Variants in UBE2G1 observed in about 807,000 individuals in gnomAD.
UBE2G1 encodes ubiquitin conjugating enzyme E2 G1.
UBE2G1 carries 5 observed loss-of-function variants against 22.7 expected under a neutral mutation model. That is an observed-to-expected ratio of 0.22 (90% CI 0.12 to 0.46). The LOEUF (loss-of-function observed/expected upper bound fraction) is 0.46. Ranked by LOEUF, UBE2G1 falls within the 20% of genes least tolerant of loss-of-function variation. The probability of loss-of-function intolerance (pLI) is 0.99; values close to 1 mark genes in which losing one functional copy is unlikely to be tolerated. For missense variants in UBE2G1, 88 were observed against 203.9 expected (o/e 0.43, Z 3.46); for synonymous variants, 74 against 67.5 (o/e 1.10, Z -0.47).
At chr17:4,326,596 A>G (rs1054534304) in intron 1 of UBE2G1, among the ~76,000 whole-genome samples, 2 of 152,264 alleles carry the variant, frequency 1.3e-5, no homozygotes, top group South Asian at 4.1e-4. Context: ...TATATGCAAA[A>G]GAATTAAAGC....
intron 1 of UBE2G1, among the ~76,000 whole-genome samples, chr17:4,342,022 T>C (rs892485535): frequency 2.0e-5 from 3 of 152,222 alleles, no homozygotes; most frequent in African/African-American, 7.2e-5. Context: ...TACTCCCTTA[T>C]TGAGCCCATC....
intron 5 of UBE2G1, among the ~76,000 whole-genome samples, chr17:4,280,313 A>C (rs970112497): frequency 2.8e-5 from 4 of 142,090 alleles, no homozygotes; most frequent in Admixed American, 7.3e-5. Context: ...CTAGGATTAC[A>C]AGTGTGAGCC....
chr17:4,365,883 G>A (rs1037805797), intron 1 of UBE2G1, among the ~76,000 whole-genome samples: 2 of 152,106 alleles, frequency 1.3e-5, no homozygotes, highest in African/African-American at 4.8e-5. Context: ...GGACGCTCCA[G>A]CCGGCCCCGA....
At position 4,350,874 on chromosome 17, in the gene UBE2G1, T is replaced by C. The variant is rs544730047; in HGVS notation, c.46+15397A>G. Among the ~76,000 whole-genome samples, 6 of 151,268 alleles carry C rather than the reference T, an allele frequency of 4.0e-5. No individual in the cohort carries two copies. The South Asian group carries it at 1.3e-3, about 32-fold the overall frequency. On this transcript the variant is annotated intron_variant, in intron 1 of 5. Transcript: ENST00000396981. ...GGTGAAACCCCGCCTCTACTAAAAA[T>C]ACAAAAAAACTAGCCGGGCATGGTG...
chr17:4,326,406 T>C (rs1482615537), intron 1 of UBE2G1, among the ~76,000 whole-genome samples: 1 of 152,150 alleles, frequency 6.6e-6, no homozygotes, highest in Non-Finnish European at 1.5e-5. Context: ...CCAATTAGAA[T>C]TGCTATTAAA....
At chr17:4,365,863 C>T (rs1597271658) in intron 1 of UBE2G1, among the ~76,000 whole-genome samples, 1 of 152,150 alleles carries the variant, frequency 6.6e-6, no homozygotes, top group Non-Finnish European at 1.5e-5. Context: ...CTCGCAGCCG[C>T]ACTGGGTCCG....
chr17:4,331,947 C>A (rs546001728), intron 1 of UBE2G1: 1 of 152,240 alleles, frequency 6.6e-6, no homozygotes, highest in East Asian at 1.9e-4. Flanking sequence ...AACATAAACA[C>A]TATAAATATA....
At chr17:4,282,132 T>A (rs971081566) in intron 5 of UBE2G1, among the ~76,000 whole-genome samples, 1 of 152,180 alleles carries the variant, frequency 6.6e-6, no homozygotes, top group African/African-American at 2.4e-5. Context: ...GTCCAGGCTG[T>A]AGTGCCACGG....
chr17:4,319,663 A>T (rs913386128), intron 1 of UBE2G1, among the ~76,000 whole-genome samples: 1 of 151,920 alleles, frequency 6.6e-6, no homozygotes, highest in African/African-American at 2.4e-5. Flanking sequence ...TGAGCCCAGG[A>T]GGTCGAGGCT....
chr17:4,354,388 T>TCTG (rs370404795), intron 1 of UBE2G1, among the ~76,000 whole-genome samples: 27 of 152,300 alleles, frequency 1.8e-4, no homozygotes, highest in African/African-American at 6.5e-4. Context: ...CAGCATTAGA[T>TCTG]CTGCATAAAT....
intron 2 of UBE2G1, among the ~76,000 whole-genome samples, chr17:4,300,456 T>C (rs1473036543): frequency 1.3e-5 from 2 of 151,886 alleles, no homozygotes; most frequent in Non-Finnish European, 2.9e-5. Flanking sequence ...AGCAGGAGAA[T>C]GGCTTGAGCC....
At chr17:4,330,115 G>C (rs980795835) in intron 1 of UBE2G1, among the ~76,000 whole-genome samples, 3 of 152,036 alleles carry the variant, frequency 2.0e-5, no homozygotes, top group African/African-American at 7.3e-5. Flanking sequence ...CATGAGTCAT[G>C]CATCTACGAA....
At chr17:4,322,706 G>A (rs557319768) in intron 1 of UBE2G1, among the ~76,000 whole-genome samples, 2 of 152,136 alleles carry the variant, frequency 1.3e-5, no homozygotes, top group African/African-American at 4.8e-5. Flanking sequence ...TTTATTTAAA[G>A]GCAAGGGAAC....
chr17:4,312,710 AAAAAAC>A (rs1393915260), intron 1 of UBE2G1, among the ~76,000 whole-genome samples: 8 of 151,804 alleles, frequency 5.3e-5, no homozygotes, highest in Non-Finnish European at 1.0e-4. Flanking sequence ...AAAAAAAAAA[AAAAAAC>A]AAAAGCCAAG....
chr17:4,271,705 A>T lies in UBE2G1; in HGVS notation c.*849T>A, dbSNP rs1968761725. ...CTTAATACCAGGCAACTGAAGAGGGAAAAGTCAGATTTGCTATTGTTTGGG... is the reference window on the plus strand; with the variant it reads ...CTTAATACCAGGCAACTGAAGAGGGTAAAGTCAGATTTGCTATTGTTTGGG... On this transcript the variant is annotated 3_prime_UTR_variant, in exon 6 of 6. Coordinates refer to ENST00000396981, the MANE Select transcript of UBE2G1 (RefSeq NM_003342.5). 6.7e-6 allele frequency: 1 copy of T among 149,150 alleles called. No homozygotes were observed. Among genetic ancestry groups the T allele is most frequent in the Non-Finnish European group, 1.5e-5 (1 of 67,520 alleles). The allele number at this position is 149,150 out of a possible 1,614,324, so 9.2% of individuals were successfully genotyped here.
At position 4,338,428 on chromosome 17, in the gene UBE2G1, A is replaced by C. The variant is rs545678691; in HGVS notation, c.46+27843T>G. 3.9e-5 allele frequency among the ~76,000 whole-genome samples: 6 copies of C among 152,350 alleles called. No individual in the cohort carries two copies. In the South Asian group the frequency reaches 1.2e-3, roughly 32 times the overall value. ...CAAAAGCATCTAACAGAATTAGAAA[A>C]CACTCCAATAACTTCCGAAGATTCG... On this transcript the variant is annotated intron_variant, in intron 1 of 5. Transcript: ENST00000396981.
At chr17:4,279,412 T>G (rs530629738) in intron 5 of UBE2G1, among the ~76,000 whole-genome samples, 70 of 152,136 alleles carry the variant, frequency 4.6e-4, no homozygotes, top group Middle Eastern at 3.4e-3. Context: ...CAGTCAACAG[T>G]TACACATCAG....
chr17:4,315,743 A>G (rs1969360791), intron 1 of UBE2G1, among the ~76,000 whole-genome samples: 1 of 132,820 alleles, frequency 7.5e-6, no homozygotes, highest in African/African-American at 4.0e-5. Context: ...CCATCTCAAA[A>G]AAACAAAAAA....
At chr17:4,273,141 C>T (rs903332910) in intron 5 of UBE2G1, among the ~76,000 whole-genome samples, 2 of 152,192 alleles carry the variant, frequency 1.3e-5, no homozygotes, top group Non-Finnish European at 2.9e-5. Context: ...GACTGTAAGT[C>T]AAGAACACAT....
Sources: allele counts gnomAD v4.1 joint callset (sites outside exome capture counted in the v4.1 genomes callset), GRCh38; gene constraint gnomAD v4.1.1; transcripts MANE v1.5; gene names NCBI Gene and HGNC (gene_info 2026-07-23, HGNC 2026-07-21).